IGF2BP2: variants seen among roughly 807,000 people sequenced by gnomAD.
IGF2BP2 encodes the protein insulin like growth factor 2 mRNA binding protein 2.
In IGF2BP2, 17 loss-of-function variants were observed where a neutral mutation model predicts 75.8. The ratio of observed to expected loss-of-function variants is 0.22; its 90% CI spans 0.15 to 0.34. The LOEUF (loss-of-function observed/expected upper bound fraction) is 0.34, where lower values mean the gene tolerates loss of function less well. Ranked by LOEUF, IGF2BP2 falls within the 10% of genes least tolerant of loss-of-function variation. IGF2BP2 has a pLI of 1.00. For missense variants in IGF2BP2, 516 were observed against 772.4 expected (o/e 0.67, Z 3.93); for synonymous variants, 288 against 295.6 (o/e 0.97, Z 0.26).
intron 2 of IGF2BP2, among the ~76,000 whole-genome samples, chr3:185,772,293 G>T (rs537751232): frequency 6.6e-6 from 1 of 152,148 alleles, no homozygotes; most frequent in Admixed American, 6.5e-5. Context: ...TTTCCCTACT[G>T]TAAGTTTTAT....
chr3:185,692,258 T>C (rs1390374442), intron 5 of IGF2BP2, among the ~76,000 whole-genome samples: 1 of 152,240 alleles, frequency 6.6e-6, no homozygotes, highest in African/African-American at 2.4e-5. Context: ...TGTTTTGGTA[T>C]AGGCTTGTGC....
rs200851805 is a variant in IGF2BP2, at chr3:185,689,488, C to T, written c.544G>A (p.Ala182Thr). 1.3e-5 allele frequency: 21 copies of T among 1,613,860 alleles called. No individual in the cohort carries two copies. In the East Asian group the frequency reaches 1.6e-4, roughly 12 times the overall value. ...CTGGCCTGAGAAGTGCCCCCAGGGGCGTGGCCTTGCTCCCGGGAAGAGTGG... is the reference window on the plus strand; with the variant it reads ...CTGGCCTGAGAAGTGCCCCCAGGGGTGTGGCCTTGCTCCCGGGAAGAGTGG... ...GDHSSREQGH[A>T]PGGTSQARQI... Residue 182 changes from alanine to threonine, a missense_variant, in exon 6 of 16, where the codon GCC (alanine) becomes ACC (threonine). Ala to Thr is a moderately conservative substitution (Grantham distance 58). Transcript: ENST00000382199.
At chr3:185,794,906 T>G (rs1055169439) in intron 2 of IGF2BP2, among the ~76,000 whole-genome samples, 2 of 148,624 alleles carry the variant, frequency 1.3e-5, no homozygotes, top group Non-Finnish European at 3.0e-5. Flanking sequence ...TTTTCTTTTC[T>G]TTTTTTTTTG....
chr3:185,690,004 C>G (rs573112301), intron 5 of IGF2BP2, among the ~76,000 whole-genome samples: 2 of 151,650 alleles, frequency 1.3e-5, no homozygotes, highest in South Asian at 2.1e-4. Context: ...TCCCGCAAGA[C>G]TGGTTCATTC....
At chr3:185,768,474 T>TA (rs1733397022) in intron 2 of IGF2BP2, among the ~76,000 whole-genome samples, 1 of 152,240 alleles carries the variant, frequency 6.6e-6, no homozygotes, top group South Asian at 2.1e-4. Context: ...AACTGCATGT[T>TA]AACCCTTTTA....
At chr3:185,813,062 G>T (rs200475592) in intron 2 of IGF2BP2, among the ~76,000 whole-genome samples, 24 of 152,064 alleles carry the variant, frequency 1.6e-4, no homozygotes, top group Non-Finnish European at 2.9e-5. Flanking sequence ...CAACACTCTC[G>T]TGATGTAGAA....
chr3:185,717,360 T>A (rs1183956331), intron 2 of IGF2BP2: 2 of 157,540 alleles, frequency 1.3e-5, no homozygotes, highest in Admixed American at 1.2e-4. Flanking sequence ...CCTGCTGACT[T>A]CCCTCCAGGA....
intron 2 of IGF2BP2, among the ~76,000 whole-genome samples, chr3:185,721,675 G>C (rs183005912): frequency 7.2e-5 from 11 of 152,104 alleles, no homozygotes; most frequent in African/African-American, 2.7e-4. Context: ...CTGTTTATCA[G>C]TCTAAGCCTC....
chr3:185,651,778 G>C (rs1168344854), intron 13 of IGF2BP2, among the ~76,000 whole-genome samples: 6 of 152,186 alleles, frequency 3.9e-5, no homozygotes, highest in Admixed American at 3.9e-4. Context: ...TTGAAGGGTA[G>C]ACATGACTAA....
chr3:185,735,197 G>C (rs1029820877), intron 2 of IGF2BP2, among the ~76,000 whole-genome samples: 5 of 149,716 alleles, frequency 3.3e-5, no homozygotes, highest in Admixed American at 1.3e-4. Context: ...CCAGGCTGGA[G>C]TGCAGCGGCA....
At chr3:185,660,616 G>C (rs1193686909) in intron 10 of IGF2BP2, among the ~76,000 whole-genome samples, 1 of 152,160 alleles carries the variant, frequency 6.6e-6, no homozygotes, top group South Asian at 2.1e-4. Context: ...GCCCACAAGA[G>C]GGCGCTATGA....
chr3:185,696,967 T>TGAG (rs1223362761), intron 3 of IGF2BP2, among the ~76,000 whole-genome samples: 1 of 152,194 alleles, frequency 6.6e-6, no homozygotes, highest in Non-Finnish European at 1.5e-5. Context: ...ACTCTTACAA[T>TGAG]GAGAAGCAGA....
intron 2 of IGF2BP2, among the ~76,000 whole-genome samples, chr3:185,746,451 C>G (rs1245098757): frequency 2.0e-5 from 3 of 152,172 alleles, no homozygotes; most frequent in African/African-American, 7.2e-5. Context: ...AGGGACGGAT[C>G]TACTTAACGA....
chr3:185,796,564 CA>C lies in IGF2BP2; in HGVS notation c.239+26588del, dbSNP rs60331633. Among the ~76,000 whole-genome samples, 125 of 71,798 alleles carry C rather than the reference CA, an allele frequency of 1.7e-3. No homozygotes were observed. In the Middle Eastern group the frequency reaches 0.027, roughly 16 times the overall value. 47.1% of individuals were successfully genotyped at this position (71,798 alleles called of 152,430 possible). A position where few individuals can be genotyped will look rare whatever the true frequency, so the allele number is the denominator to read the frequency against. On this transcript the variant is annotated intron_variant, in intron 2 of 15. Transcript: ENST00000382199. The stretch of plus-strand genomic sequence containing the variant: ...TGGGTGACAGAGTGACATTCCGTCT[CA>C]AAAAAAAAAAAAAAAAAAAAATTCC...
chr3:185,659,139 AGCCT>A (rs1715971395), intron 10 of IGF2BP2, among the ~76,000 whole-genome samples: 1 of 152,034 alleles, frequency 6.6e-6, no homozygotes, highest in Admixed American at 6.6e-5. Flanking sequence ...GGATCACTTG[AGCCT>A]AGGAATTTGA....
intron 2 of IGF2BP2, among the ~76,000 whole-genome samples, chr3:185,788,998 C>G (rs1736264178): frequency 6.6e-6 from 1 of 152,098 alleles, no homozygotes; most frequent in Admixed American, 6.5e-5. Context: ...CAGGTGTGAG[C>G]CACTGTGCCC....
intron 2 of IGF2BP2, among the ~76,000 whole-genome samples, chr3:185,794,756 C>A (rs780502499): frequency 2.6e-5 from 4 of 152,008 alleles, no homozygotes; most frequent in Non-Finnish European, 4.4e-5. Flanking sequence ...TCACCACCAT[C>A]CATCTCCAGA....
At chr3:185,706,724 T>C (rs571379013) in intron 2 of IGF2BP2, among the ~76,000 whole-genome samples, 16 of 152,116 alleles carry the variant, frequency 1.1e-4, no homozygotes, top group African/African-American at 3.9e-4. Flanking sequence ...GATTATCAGA[T>C]TTCTCAGAGA....
At chr3:185,796,100 G>A (rs766436499) in intron 2 of IGF2BP2, among the ~76,000 whole-genome samples, 2 of 152,144 alleles carry the variant, frequency 1.3e-5, no homozygotes, top group East Asian at 1.9e-4. Flanking sequence ...AGGCAGGGGA[G>A]AGTGGAATAG....
Sources: allele counts gnomAD v4.1 joint callset (sites outside exome capture counted in the v4.1 genomes callset), GRCh38; gene constraint gnomAD v4.1.1; transcripts MANE v1.5; gene names NCBI Gene and HGNC (gene_info 2026-07-23, HGNC 2026-07-21).